Variants in WASHC2A observed in about 807,000 individuals in gnomAD.
The protein encoded by WASHC2A is WASH complex subunit FAM21A.
A neutral mutation model predicts 140.3 loss-of-function variants in WASHC2A; 82 were observed. That is an observed-to-expected ratio of 0.58 (90% CI 0.49 to 0.70). WASHC2A has a LOEUF of 0.70. Among genes scored for constraint, WASHC2A ranks in the 30% least tolerant of loss-of-function variants. The pLI is 0.00. For synonymous variants in WASHC2A, 340 were observed against 560.8 expected, an observed-to-expected ratio of 0.61 and a Z score of 5.56; for missense variants, 985 against 1,521.8, an observed-to-expected ratio of 0.65 and a Z score of 5.87.
At chr10:50,092,851 T>A (rs1554883377) in intron 11 of WASHC2A, among the ~76,000 whole-genome samples, 1 of 152,228 alleles carries the variant, frequency 6.6e-6, no homozygotes, top group Non-Finnish European at 1.5e-5. Context: ...CCAGGCCTTT[T>A]TCTGCAAACA....
rs553116501 is a variant in WASHC2A, at chr10:50,082,150, T to C, written c.528+1219T>C. Among the ~76,000 whole-genome samples the C allele has an allele frequency of 1.7e-3, 265 of 151,982 alleles. 1 individual carries two copies. The highest frequency in any genetic ancestry group is 6.2e-3 in the African/African-American group (255 of 41,456). ...AGACACACAGCACTTTCTCTCTTTT[T>C]TTTTTCCCCTTGCAGAGAAAGTTGT... On this transcript the variant is annotated intron_variant, in intron 5 of 30. Transcript: ENST00000282633.
At position 50,133,346 on chromosome 10, in the gene WASHC2A, G is replaced by A. The variant is rs1030729472; in HGVS notation, c.*401G>A. On this transcript the variant is annotated 3_prime_UTR_variant, in exon 31 of 31. Coordinates refer to ENST00000282633, the MANE Select transcript of WASHC2A (RefSeq NM_001005751.3). The stretch of plus-strand genomic sequence containing the variant: ...ACTTAGGGCCTGGGCAGGGGAAAGA[G>A]AAAGAAGGTGAGAGATTATACTTCA... The A allele has an allele frequency of 8.2e-6, 4 of 489,330 alleles. No individual in the cohort carries two copies. The highest frequency in any genetic ancestry group is 7.8e-5 in the African/African-American group (4 of 50,958). 30.3% of individuals were successfully genotyped at this position (489,330 alleles called of 1,614,324 possible).
chr10:50,100,118 A>C, intron 17 of WASHC2A, 54 bp downstream of exon 17: 1 of 1,446,896 alleles, frequency 6.9e-7, no homozygotes. Context: ...ATGACATAGA[A>C]ACTATTTTTG....
At chr10:50,131,184 C>T (rs71498232) in intron 30 of WASHC2A, 106 bp downstream of exon 30, 25,876 of 1,405,384 alleles carry the variant, frequency 0.018, 316 homozygotes, top group Non-Finnish European at 0.022. Context: ...TGCACCCCAG[C>T]GGGTTCACTT....
In WASHC2A at chr10:50,107,482, T is replaced by G. The variant is rs1159336863; in HGVS notation, c.1869+1017T>G. The stretch of plus-strand genomic sequence containing the variant: ...AAAAAATCCTGAGTAGTAAACATCT[T>G]CCTGTGTTATAATAATTCCTCTTTT... On this transcript the variant is annotated intron_variant, in intron 19 of 30. Transcript: ENST00000282633. Among the ~76,000 whole-genome samples, 429 of 152,026 alleles carry G rather than the reference T, an allele frequency of 2.8e-3. 6 individuals carry two copies. The highest frequency in any genetic ancestry group is 9.7e-3 in the African/African-American group (403 of 41,390).
At chr10:50,087,652 C>A (rs2132506553) in intron 8 of WASHC2A, among the ~76,000 whole-genome samples, 1 of 152,096 alleles carries the variant, frequency 6.6e-6, no homozygotes, top group Admixed American at 6.6e-5. Flanking sequence ...TGGAGACAAT[C>A]TAGCAGTAAC....
intron 19 of WASHC2A, among the ~76,000 whole-genome samples, chr10:50,107,442 T>C (rs1280972291): frequency 6.6e-6 from 1 of 150,978 alleles, no homozygotes; most frequent in Admixed American, 6.6e-5. Flanking sequence ...AAAAAGACTT[T>C]AAATATGATG....
At position 50,111,287 on chromosome 10, in the gene WASHC2A, C is replaced by G. The variant is rs532835505; in HGVS notation, c.2039+1017C>G. On this transcript the variant is annotated intron_variant, in intron 20 of 30. Transcript: ENST00000282633. ...TCATTTGATAGATTCAGAAGTACGT[C>G]AGGTTTCTGTCTCCAAATACTCGAA... 4.0e-4 allele frequency among the ~76,000 whole-genome samples: 56 copies of G among 139,772 alleles called. No individual in the cohort carries two copies. The East Asian group carries it at 6.6e-3, about 16-fold the overall frequency. 91.7% of individuals were successfully genotyped at this position (139,772 alleles called of 152,430 possible). A position where few individuals can be genotyped will look rare whatever the true frequency, so the allele number is the denominator to read the frequency against.
rs910048462 is a variant in WASHC2A, at chr10:50,133,468, T to A, written c.*523T>A. 1.1e-5 allele frequency: 5 copies of A among 469,504 alleles called. No homozygotes were observed. The highest frequency in any genetic ancestry group is 1.0e-4 in the African/African-American group (5 of 50,024). 29.1% of individuals were successfully genotyped at this position (469,504 alleles called of 1,614,324 possible). ...GTTTGGCAAACTGTGGCCCCCCCAC[T>A]GTCATATTTTGTTAATAAAATTTTA... On this transcript the variant is annotated 3_prime_UTR_variant, in exon 31 of 31. Transcript: ENST00000282633.
chr10:50,088,099 G>A (rs1288840528), intron 8 of WASHC2A, among the ~76,000 whole-genome samples: 20 of 151,834 alleles, frequency 1.3e-4, no homozygotes, highest in African/African-American at 4.1e-4. Flanking sequence ...GATTACAGGC[G>A]TGAGCCACCA....
intron 19 of WASHC2A, 110 bp from the exon 20 acceptor site, chr10:50,109,991 T>A: frequency 8.6e-7 from 1 of 1,158,376 alleles, no homozygotes; most frequent in Admixed American, 2.2e-5. Flanking sequence ...AGGATGGTCT[T>A]GATCTGCTGA....
intron 15 of WASHC2A, 40 bp downstream of exon 15, chr10:50,095,818 A>G: frequency 6.4e-7 from 1 of 1,566,644 alleles, no homozygotes; most frequent in Non-Finnish European, 8.6e-7. Context: ...TTCAGCCAGA[A>G]AAAGAACGTT....
At chr10:50,126,284 G>A (rs1162157988) in intron 26 of WASHC2A, 105 bp downstream of exon 26, 1 of 1,603,240 alleles carries the variant, frequency 6.2e-7, no homozygotes, top group East Asian at 2.2e-5. Context: ...CATTAAGGAG[G>A]AAACAGCAAC....
intron 3 of WASHC2A, among the ~76,000 whole-genome samples, chr10:50,077,534 G>A (rs1469552123): frequency 1.3e-5 from 2 of 151,826 alleles, no homozygotes; most frequent in Non-Finnish European, 2.9e-5. Context: ...ATAAAATTCA[G>A]TCCTTTAAAA....
At chr10:50,086,184 T>A (rs1589174187) in intron 7 of WASHC2A, among the ~76,000 whole-genome samples, 1 of 151,258 alleles carries the variant, frequency 6.6e-6, no homozygotes, top group East Asian at 1.9e-4. Flanking sequence ...AAGGAGACAG[T>A]GTTGTGTATG....
At chr10:50,082,547 G>A (rs1839004577) in intron 5 of WASHC2A, among the ~76,000 whole-genome samples, 1 of 147,892 alleles carries the variant, frequency 6.8e-6, no homozygotes, top group Non-Finnish European at 1.5e-5. Context: ...GCGCAATCTC[G>A]GCTCACTGCA....
chr10:50,132,868 G>T lies in WASHC2A; in HGVS notation c.3949G>T (p.Ala1317Ser). 6.2e-7 allele frequency: 1 copy of T among 1,611,994 alleles called. No individual in the cohort carries two copies. Among genetic ancestry groups the T allele is most frequent in the Non-Finnish European group, 8.5e-7 (1 of 1,179,844 alleles). Residue 1317 changes from alanine to serine, a missense_variant, in exon 31 of 31, where the codon GCC (alanine) becomes TCC (serine). Coordinates refer to ENST00000282633, the MANE Select transcript of WASHC2A (RefSeq NM_001005751.3). ...TTKPKSRSAQAAPEPRFEHKV... is the reference protein window; with the variant it reads ...TTKPKSRSAQSAPEPRFEHKV... ...CAAACCAAAAAGCCGATCTGCACAGGCCGCACCTGAACCAAGATTTGAACA... is the reference window on the plus strand; with the variant it reads ...CAAACCAAAAAGCCGATCTGCACAGTCCGCACCTGAACCAAGATTTGAACA...
intron 7 of WASHC2A, among the ~76,000 whole-genome samples, chr10:50,086,124 C>G (rs879996879): frequency 1.9e-4 from 29 of 151,662 alleles, no homozygotes; most frequent in Non-Finnish European, 3.2e-4. Context: ...TTCGTTATTG[C>G]AAAGGACACA....
rs1344766359 is a variant in WASHC2A, at chr10:50,131,056, G to T, written c.3864G>T (p.Lys1288Asn). ...AGTCCAAAAAGAAAGTGGAAGCCAA[G>T]TCTATATTTGATGATGATATGGGTA... ...KEKSKKKVEAKSIFDDDMDDI... is the reference protein window; with the variant it reads ...KEKSKKKVEANSIFDDDMDDI... The change falls in exon 30 of 31, where the codon AAG becomes AAT. Residue 1288 changes from lysine to asparagine, a missense_variant. By Grantham distance (94) the Lys-to-Asn change is moderately conservative. Coordinates refer to ENST00000282633, the MANE Select transcript of WASHC2A (RefSeq NM_001005751.3). 3 of 1,611,826 alleles carry T rather than the reference G, an allele frequency of 1.9e-6. No homozygotes were observed. Among genetic ancestry groups the T allele is most frequent in the Non-Finnish European group, 2.5e-6 (3 of 1,179,806 alleles).
Sources: gnomAD v4.1 joint callset for allele counts (sites outside exome capture counted in the v4.1 genomes callset) on GRCh38, gnomAD v4.1.1 for gene constraint, MANE v1.5 for transcripts, NCBI Gene and HGNC (gene_info 2026-07-23, HGNC 2026-07-21) for gene names.